MAP3K5: variants seen among roughly 807,000 people sequenced by gnomAD.
MAP3K5 encodes ASK-1.
MAP3K5 carries 56 observed loss-of-function variants against 158.7 expected under a neutral mutation model. The observed-to-expected ratio is 0.35, with a 90% CI of 0.28 to 0.44. MAP3K5 has a LOEUF of 0.44. Among genes scored for constraint, MAP3K5 ranks in the 20% least tolerant of loss-of-function variants. The probability of loss-of-function intolerance (pLI) is 1.00; values close to 1 mark genes in which losing one functional copy is unlikely to be tolerated. For missense variants in MAP3K5, 1,294 were observed against 1,674.8 expected, an observed-to-expected ratio of 0.77 and a Z score of 3.97; for synonymous variants, 579 against 601.7, an observed-to-expected ratio of 0.96 and a Z score of 0.55.
At chr6:136,661,503 C>T (rs1193425957) in intron 8 of MAP3K5, among the ~76,000 whole-genome samples, 1 of 152,152 alleles carries the variant, frequency 6.6e-6, no homozygotes, top group Non-Finnish European at 1.5e-5. Flanking sequence ...TCAAGTGATC[C>T]TTCCACCTCA....
intron 1 of MAP3K5, among the ~76,000 whole-genome samples, chr6:136,744,100 T>C (rs1203994457): frequency 6.6e-6 from 1 of 152,214 alleles, no homozygotes; most frequent in Non-Finnish European, 1.5e-5. Context: ...CATGTCATTA[T>C]ACATTTGTCC....
intron 7 of MAP3K5, among the ~76,000 whole-genome samples, chr6:136,682,242 A>T (rs1441907519): frequency 6.6e-6 from 1 of 152,242 alleles, no homozygotes; most frequent in East Asian, 1.9e-4. Flanking sequence ...CTCATATAAT[A>T]GACACAATAA....
chr6:136,651,803 T>C (rs992691011), intron 10 of MAP3K5, among the ~76,000 whole-genome samples: 1 of 152,144 alleles, frequency 6.6e-6, no homozygotes. Context: ...AAGGACAGCA[T>C]GAAGTATTAT....
At chr6:136,672,827 T>C (rs1779540314) in intron 7 of MAP3K5, among the ~76,000 whole-genome samples, 1 of 151,660 alleles carries the variant, frequency 6.6e-6, no homozygotes, top group Non-Finnish European at 1.5e-5. Context: ...CTATTTCTAC[T>C]AAAAATATAA....
chr6:136,741,233 A>G (rs1192917497), intron 1 of MAP3K5, among the ~76,000 whole-genome samples: 3 of 152,188 alleles, frequency 2.0e-5, no homozygotes, highest in African/African-American at 4.8e-5. Flanking sequence ...ATGACCTGTT[A>G]TTAGCTAGCA....
intron 21 of MAP3K5, among the ~76,000 whole-genome samples, chr6:136,596,329 G>C (rs780257396): frequency 9.8e-5 from 15 of 152,302 alleles, no homozygotes; most frequent in Non-Finnish European, 2.1e-4. Flanking sequence ...GAGAAGTTGA[G>C]TAGGTTGAGA....
At chr6:136,637,982 T>C (rs1032856483) in intron 13 of MAP3K5, among the ~76,000 whole-genome samples, 2 of 152,186 alleles carry the variant, frequency 1.3e-5, no homozygotes, top group Non-Finnish European at 2.9e-5. Context: ...AGAACTGTTC[T>C]GGCCATTGAG....
At position 136,632,201 on chromosome 6, in the gene MAP3K5, G is replaced by A. The variant is rs1777400901; in HGVS notation, c.2016+5124C>T. Among the ~76,000 whole-genome samples the A allele has an allele frequency of 2.6e-5, 4 of 152,260 alleles. No individual in the cohort carries two copies. In the South Asian group the frequency reaches 8.3e-4, roughly 32 times the overall value. On this transcript the variant is annotated intron_variant, in intron 14 of 29. Coordinates refer to ENST00000359015, the MANE Select transcript of MAP3K5 (RefSeq NM_005923.4). ...TACAGCCAGAGGGGGTGAGAATGTT[G>A]TATGGTGCAAATACTTCCTTCTACA...
At chr6:136,793,013 C>T (rs1435971750), upstream of MAP3K5, among the ~76,000 whole-genome samples, 2 of 152,210 alleles carry the variant, frequency 1.3e-5, no homozygotes, top group Non-Finnish European at 2.9e-5. Flanking sequence ...CCAGTCTTCA[C>T]CCACCCGGCC....
At chr6:136,764,006 A>G (rs902573223) in intron 1 of MAP3K5, among the ~76,000 whole-genome samples, 2 of 152,184 alleles carry the variant, frequency 1.3e-5, no homozygotes, top group Non-Finnish European at 2.9e-5. Flanking sequence ...CACCTCCAGA[A>G]CAGTACAAAA....
intron 7 of MAP3K5, among the ~76,000 whole-genome samples, chr6:136,687,468 A>G (rs1164401796): frequency 1.3e-5 from 2 of 152,220 alleles, no homozygotes; most frequent in Non-Finnish European, 2.9e-5. Context: ...AAAAGAAACT[A>G]CCATCAGAAT....
intron 14 of MAP3K5, chr6:136,629,368 C>A (rs1777203743): frequency 6.6e-6 from 1 of 152,156 alleles, no homozygotes; most frequent in South Asian, 2.1e-4. Context: ...ACATTAATAA[C>A]TACTAATAAC....
intron 1 of MAP3K5, among the ~76,000 whole-genome samples, chr6:136,770,938 T>A (rs956579700): frequency 6.6e-6 from 1 of 152,152 alleles, no homozygotes; most frequent in African/African-American, 2.4e-5. Flanking sequence ...GGGATAATAT[T>A]CTTAATATGT....
At chr6:136,615,603 G>A (rs1776529242) in intron 15 of MAP3K5, among the ~76,000 whole-genome samples, 2 of 152,172 alleles carry the variant, frequency 1.3e-5, no homozygotes, top group African/African-American at 4.8e-5. Context: ...GGAGCCTAGT[G>A]CAGGAGCTCA....
At chr6:136,591,708 T>C (rs1775394453) in intron 23 of MAP3K5, among the ~76,000 whole-genome samples, 2 of 152,238 alleles carry the variant, frequency 1.3e-5, no homozygotes, top group South Asian at 4.1e-4. Flanking sequence ...CCCTTTGCCC[T>C]TCACCCTCCT....
chr6:136,765,902 G>A (rs546534566), intron 1 of MAP3K5, among the ~76,000 whole-genome samples: 103 of 152,200 alleles, frequency 6.8e-4, no homozygotes, highest in African/African-American at 2.1e-3. Flanking sequence ...GAAATAGTAA[G>A]TGGCAGAGCC....
At chr6:136,648,240 T>G (rs1470984523) in intron 11 of MAP3K5, among the ~76,000 whole-genome samples, 1 of 152,196 alleles carries the variant, frequency 6.6e-6, no homozygotes, top group African/African-American at 2.4e-5. Context: ...CTTCTAATAA[T>G]GAAAAAGAAT....
intron 25 of MAP3K5, among the ~76,000 whole-genome samples, chr6:136,573,948 T>C (rs1455586171): frequency 6.9e-6 from 1 of 144,510 alleles, no homozygotes; most frequent in Admixed American, 6.9e-5. Context: ...TTTTTTTTTT[T>C]GAGACAGAGT....
chr6:136,642,015 TAAATA>T (rs377615415), intron 12 of MAP3K5, among the ~76,000 whole-genome samples: 2 of 110,574 alleles, frequency 1.8e-5, no homozygotes, highest in Non-Finnish European at 3.6e-5. Context: ...TAAAATAAAA[TAAATA>T]AAATAAAATA....
Sources: allele counts gnomAD v4.1 joint callset (sites outside exome capture counted in the v4.1 genomes callset), GRCh38; gene constraint gnomAD v4.1.1; transcripts MANE v1.5; gene names NCBI Gene and HGNC (gene_info 2026-07-23, HGNC 2026-07-21).